FNDC3B: variants seen among roughly 807,000 people sequenced by gnomAD.
The protein encoded by FNDC3B is fibronectin type III domain containing 3B.
Under a neutral mutation model 151.5 loss-of-function variants are expected in FNDC3B, and 12 were observed. That is an observed-to-expected ratio of 0.08 (90% confidence interval 0.05 to 0.13). The LOEUF is 0.13. Among genes scored for constraint, FNDC3B ranks in the 10% least tolerant of loss-of-function variants. The pLI is 1.00. For missense variants in FNDC3B, 1,214 were observed against 1,505.3 expected, an observed-to-expected ratio of 0.81 and a Z score of 3.20; for synonymous variants, 528 against 549.0, an observed-to-expected ratio of 0.96 and a Z score of 0.54.
intron 23 of FNDC3B, among the ~76,000 whole-genome samples, chr3:172,366,097 A>G (rs600927): frequency 0.52 from 79,509 of 151,956 alleles, 21,276 homozygotes; most frequent in Non-Finnish European, 0.57. Context: ...CTATTCATAA[A>G]AAAATAAGAA....
At chr3:172,119,480 A>G (rs1159151941) in intron 2 of FNDC3B, among the ~76,000 whole-genome samples, 1 of 152,022 alleles carries the variant, frequency 6.6e-6, no homozygotes, top group African/African-American at 2.4e-5. Context: ...CAGAGGAGGA[A>G]TTGAGGATTG....
At chr3:172,210,455 T>A (rs1279618966) in intron 3 of FNDC3B, among the ~76,000 whole-genome samples, 3 of 152,144 alleles carry the variant, frequency 2.0e-5, no homozygotes, top group African/African-American at 4.8e-5. Context: ...ATCCTTCCAC[T>A]TCAGCCTCCC....
At chr3:172,045,750 CTTTAG>C (rs1716330820) in intron 1 of FNDC3B, among the ~76,000 whole-genome samples, 1 of 148,336 alleles carries the variant, frequency 6.7e-6, no homozygotes, top group Non-Finnish European at 1.5e-5. Flanking sequence ...AAGCTTTGTA[CTTTAG>C]TTTACTGAGT....
At chr3:172,165,521 A>C (rs1680532264) in intron 3 of FNDC3B, among the ~76,000 whole-genome samples, 1 of 152,186 alleles carries the variant, frequency 6.6e-6, no homozygotes, top group Admixed American at 6.5e-5. Flanking sequence ...TTATACCAAA[A>C]TATAGTTTAT....
At chr3:172,132,948 A>G (rs1413648438) in intron 2 of FNDC3B, among the ~76,000 whole-genome samples, 1 of 152,170 alleles carries the variant, frequency 6.6e-6, no homozygotes, top group Non-Finnish European at 1.5e-5. Flanking sequence ...TATAATATTT[A>G]TTTAATACTG....
At chr3:172,140,028 A>G (rs1395386870) in intron 3 of FNDC3B, among the ~76,000 whole-genome samples, 2 of 152,158 alleles carry the variant, frequency 1.3e-5, no homozygotes, top group Non-Finnish European at 2.9e-5. Flanking sequence ...GTTATTGTGA[A>G]CACTTAGGCC....
chr3:172,267,337 G>A (rs969306336), intron 6 of FNDC3B, among the ~76,000 whole-genome samples: 4 of 152,098 alleles, frequency 2.6e-5, no homozygotes, highest in African/African-American at 9.6e-5. Context: ...TGTATTTTTT[G>A]TAGAGACAGG....
intron 25 of FNDC3B, among the ~76,000 whole-genome samples, chr3:172,388,635 C>G (rs1735850020): frequency 6.6e-6 from 1 of 152,186 alleles, no homozygotes; most frequent in Non-Finnish European, 1.5e-5. Flanking sequence ...GTATGGCAGG[C>G]CTGGCGACAT....
At chr3:172,365,576 C>G (rs1734581452) in intron 23 of FNDC3B, among the ~76,000 whole-genome samples, 1 of 152,198 alleles carries the variant, frequency 6.6e-6, no homozygotes, top group Non-Finnish European at 1.5e-5. Context: ...TCTAGATCAC[C>G]TGGACTTTTA....
intron 4 of FNDC3B, among the ~76,000 whole-genome samples, chr3:172,231,523 G>C (rs558516441): frequency 6.6e-6 from 1 of 152,182 alleles, no homozygotes; most frequent in Non-Finnish European, 1.5e-5. Flanking sequence ...GAAACAATGG[G>C]GCAGCTGGGA....
intron 1 of FNDC3B, among the ~76,000 whole-genome samples, chr3:172,065,625 G>C (rs1319510287): frequency 6.6e-6 from 1 of 152,200 alleles, no homozygotes; most frequent in East Asian, 1.9e-4. Context: ...TAGGATATGA[G>C]GTGCTCCCTT....
intron 11 of FNDC3B, among the ~76,000 whole-genome samples, chr3:172,313,736 C>A (rs914415514): frequency 6.6e-6 from 1 of 152,120 alleles, no homozygotes; most frequent in Non-Finnish European, 1.5e-5. Context: ...TGTATTATAC[C>A]CCTCTCATTT....
Position 172,076,603 on chromosome 3 carries a change from T to C in FNDC3B, c.-28-35849T>C, listed in dbSNP as rs77381412. 8.2e-3 allele frequency among the ~76,000 whole-genome samples: 1,253 copies of C among 152,346 alleles called. 8 individuals carry two copies. The highest frequency in any genetic ancestry group is 0.013 in the Non-Finnish European group (914 of 68,028). ...AGGCACCTATGTGTTGTTTCCCTTA[T>C]TATTTTTAATTAATTTATTTTTTTT... On this transcript the variant is annotated intron_variant, in intron 1 of 25. Coordinates refer to ENST00000415807, the MANE Select transcript of FNDC3B (RefSeq NM_022763.4).
intron 14 of FNDC3B, among the ~76,000 whole-genome samples, chr3:172,333,734 G>A (rs555051539): frequency 2.0e-5 from 3 of 152,224 alleles, no homozygotes; most frequent in African/African-American, 7.2e-5. Flanking sequence ...AAATGCCCTT[G>A]CCTGGGAAGA....
At chr3:172,151,072 T>C (rs1722196250) in intron 3 of FNDC3B, among the ~76,000 whole-genome samples, 1 of 152,264 alleles carries the variant, frequency 6.6e-6, no homozygotes, top group Admixed American at 6.5e-5. Context: ...CTTCTAAATA[T>C]GCCCTGGAGG....
In FNDC3B at chr3:172,362,817, A is replaced by G; in HGVS notation, c.2980A>G (p.Thr994Ala). The change falls in exon 23 of 26, where the codon ACA becomes GCA. Residue 994 changes from threonine (T) to alanine (A), a missense_variant. Physicochemically the swap from Thr to Ala is moderately conservative, Grantham distance 58. This residue lies in a region of FNDC3B where 284 missense variants were observed against 392.4 expected (regional missense o/e 0.72). Coordinates refer to ENST00000415807, the MANE Select transcript of FNDC3B (RefSeq NM_022763.4). The stretch of plus-strand genomic sequence containing the variant: ...ACATGCTGCTGAGGACATTGTGTAC[A>G]CACTACAGCTGGAGGACAGAAACAA... ...KTHAAEDIVYTLQLEDRNKRF... is the reference protein window; with the variant it reads ...KTHAAEDIVYALQLEDRNKRF... 1.2e-6 allele frequency: 2 copies of G among 1,613,914 alleles called. No individual in the cohort carries two copies. The highest frequency in any genetic ancestry group is 8.5e-7 in the Non-Finnish European group (1 of 1,179,920).
chr3:172,391,604 T>C (rs935960799), intron 25 of FNDC3B, among the ~76,000 whole-genome samples: 9 of 152,252 alleles, frequency 5.9e-5, no homozygotes, highest in Non-Finnish European at 1.0e-4. Context: ...AATATTTCAA[T>C]AGGTGTCACC....
intron 3 of FNDC3B, among the ~76,000 whole-genome samples, chr3:172,220,814 CTGGG>C: frequency 6.6e-6 from 1 of 152,244 alleles, no homozygotes; most frequent in South Asian, 2.1e-4. Context: ...TCTTCCATGG[CTGGG>C]TGTGGTGGCT....
At chr3:172,057,532 TGGGGGGAAGAACAAAA>T (rs1560386339) in intron 1 of FNDC3B, among the ~76,000 whole-genome samples, 2 of 152,066 alleles carry the variant, frequency 1.3e-5, no homozygotes, top group African/African-American at 4.8e-5. Flanking sequence ...TAAAAGGGGT[TGGGGGGAAGAACAAAA>T]CTTTTACTGG....
Sources: allele counts gnomAD v4.1 joint callset (sites outside exome capture counted in the v4.1 genomes callset), GRCh38; gene constraint gnomAD v4.1.1; regional missense constraint gnomAD v4.1.1; transcripts MANE v1.5; gene names NCBI Gene and HGNC (gene_info 2026-07-23, HGNC 2026-07-21).